SUCLG2: variants seen among roughly 807,000 people sequenced by gnomAD.
The protein encoded by SUCLG2 is succinate-CoA ligase GDP-forming subunit beta.
Under a neutral mutation model 47.9 loss-of-function variants are expected in SUCLG2, and 42 were observed. That is an observed-to-expected ratio of 0.88 (90% confidence interval 0.69 to 1.14). SUCLG2 has a LOEUF of 1.14. SUCLG2 is among the 50% of genes most tolerant of loss of function. The pLI is 0.00. For synonymous variants in SUCLG2, 195 were observed against 197.3 expected (o/e 0.99, Z 0.10); for missense variants, 571 against 525.9 (o/e 1.09, Z -0.84).
intron 2 of SUCLG2, among the ~76,000 whole-genome samples, chr3:67,600,730 T>C (rs1175257372): frequency 1.3e-5 from 2 of 152,240 alleles, no homozygotes; most frequent in African/African-American, 4.8e-5. Context: ...ACACAGTCCA[T>C]GCAAATTTCT....
At chr3:67,484,720 CTG>C (rs1234659846) in intron 9 of SUCLG2, among the ~76,000 whole-genome samples, 1 of 152,104 alleles carries the variant, frequency 6.6e-6, no homozygotes, top group Non-Finnish European at 1.5e-5. Context: ...GCGGTGAGGA[CTG>C]TAAATTGTAA....
At chr3:67,385,101 T>G (rs1702234045) in intron 10 of SUCLG2, among the ~76,000 whole-genome samples, 1 of 152,196 alleles carries the variant, frequency 6.6e-6, no homozygotes, top group South Asian at 2.1e-4. Context: ...AAATATGACT[T>G]TCAAGTGGAA....
chr3:67,475,997 C>G (rs1022110010), intron 9 of SUCLG2, among the ~76,000 whole-genome samples: 1 of 144,628 alleles, frequency 6.9e-6, no homozygotes, highest in Non-Finnish European at 1.5e-5. Context: ...CCCTCTCTCT[C>G]TCTCTCTCTC....
intron 10 of SUCLG2, among the ~76,000 whole-genome samples, chr3:67,364,927 C>A (rs1048340003): frequency 6.6e-6 from 1 of 152,084 alleles, no homozygotes; most frequent in Non-Finnish European, 1.5e-5. Flanking sequence ...ACACTTGAAA[C>A]AGGAACAAAA....
At chr3:67,558,141 C>T (rs987889527) in intron 2 of SUCLG2, among the ~76,000 whole-genome samples, 1 of 152,092 alleles carries the variant, frequency 6.6e-6, no homozygotes, top group African/African-American at 2.4e-5. Context: ...TGTGCAATTA[C>T]ATCATGCTGA....
intron 7 of SUCLG2, among the ~76,000 whole-genome samples, chr3:67,508,596 T>C (rs12639122): frequency 0.016 from 2,403 of 152,246 alleles, 109 homozygotes; most frequent in East Asian, 0.1. Flanking sequence ...AAACAAGCAG[T>C]AGCTTCCTTA....
At chr3:67,448,662 A>G (rs1185492270) in intron 9 of SUCLG2, among the ~76,000 whole-genome samples, 1 of 152,244 alleles carries the variant, frequency 6.6e-6, no homozygotes, top group Non-Finnish European at 1.5e-5. Flanking sequence ...CAAAAAGTAG[A>G]TAACAATTAA....
chr3:67,642,031 C>G (rs370855868), intron 1 of SUCLG2, among the ~76,000 whole-genome samples: 4 of 152,342 alleles, frequency 2.6e-5, no homozygotes, highest in Admixed American at 2.6e-4. Context: ...CCCTCCCTAA[C>G]GACCTCATTT....
intron 2 of SUCLG2, among the ~76,000 whole-genome samples, chr3:67,548,035 A>T (rs189199302): frequency 2.0e-5 from 3 of 152,178 alleles, no homozygotes; most frequent in Non-Finnish European, 4.4e-5. Context: ...TTCATTCACA[A>T]TCATCACTTC....
chr3:67,463,982 T>C (rs370298858), intron 9 of SUCLG2, among the ~76,000 whole-genome samples: 1 of 152,310 alleles, frequency 6.6e-6, no homozygotes, highest in Non-Finnish European at 1.5e-5. Context: ...TTGAGCATCA[T>C]TGTTTAGGAG....
intron 1 of SUCLG2, among the ~76,000 whole-genome samples, chr3:67,613,333 T>C (rs1236556476): frequency 6.6e-6 from 1 of 152,194 alleles, no homozygotes; most frequent in African/African-American, 2.4e-5. Flanking sequence ...TCACTTCAGA[T>C]ATCCCAAGGG....
intron 9 of SUCLG2, among the ~76,000 whole-genome samples, chr3:67,438,438 T>A (rs1345065209): frequency 4.0e-5 from 6 of 150,880 alleles, no homozygotes; most frequent in African/African-American, 1.5e-4. Context: ...CCAAAAAAAA[T>A]CAATGAATCC....
At chr3:67,555,010 C>A (rs1353776407) in intron 2 of SUCLG2, among the ~76,000 whole-genome samples, 1 of 152,104 alleles carries the variant, frequency 6.6e-6, no homozygotes, top group Non-Finnish European at 1.5e-5. Context: ...ACGGTAGTAG[C>A]ATATCTGACA....
intron 3 of SUCLG2, among the ~76,000 whole-genome samples, chr3:67,528,723 G>A (rs1000435763): frequency 6.6e-6 from 1 of 152,174 alleles, no homozygotes; most frequent in Non-Finnish European, 1.5e-5. Context: ...ACTATCAGAG[G>A]GGAGGTACCC....
intron 2 of SUCLG2, among the ~76,000 whole-genome samples, chr3:67,557,900 T>C (rs1342894426): frequency 6.6e-6 from 1 of 152,162 alleles, no homozygotes; most frequent in Non-Finnish European, 1.5e-5. Flanking sequence ...TGCAGAACAC[T>C]AGTTTGCAAA....
At chr3:67,450,153 C>T (rs1258211568) in intron 9 of SUCLG2, among the ~76,000 whole-genome samples, 10 of 152,136 alleles carry the variant, frequency 6.6e-5, no homozygotes, top group East Asian at 5.8e-4. Flanking sequence ...GCAATCCTCT[C>T]GCCTTATCTT....
chr3:67,651,671 C>A (rs1701287691), intron 1 of SUCLG2, among the ~76,000 whole-genome samples: 1 of 152,190 alleles, frequency 6.6e-6, no homozygotes, highest in East Asian at 1.9e-4. Flanking sequence ...TCGTTTTCTT[C>A]ATCTGTACCT....
At position 67,559,456 on chromosome 3, in the gene SUCLG2, A is replaced by G. The variant is rs117232192; in HGVS notation, c.227-30270T>C. Among the ~76,000 whole-genome samples, 655 of 152,162 alleles carry G rather than the reference A, an allele frequency of 4.3e-3. 10 individuals are homozygous for G. In the East Asian group the frequency reaches 0.051, roughly 12 times the overall value. On this transcript the variant is annotated intron_variant, in intron 2 of 10. Coordinates refer to ENST00000307227, the MANE Select transcript of SUCLG2 (RefSeq NM_003848.4). ...GCAGGAGAGAGAGATAGCACAAGGA[A>G]GTGCCACACTTTAAAACCATCAGAT...
At chr3:67,638,400 G>A (rs1030254907) in intron 1 of SUCLG2, among the ~76,000 whole-genome samples, 1 of 152,188 alleles carries the variant, frequency 6.6e-6, no homozygotes, top group Admixed American at 6.5e-5. Context: ...TTTCCAGATT[G>A]TAGCTACACT....
Sources: gnomAD v4.1 joint callset for allele counts (sites outside exome capture counted in the v4.1 genomes callset) on GRCh38, gnomAD v4.1.1 for gene constraint, MANE v1.5 for transcripts, NCBI Gene and HGNC (gene_info 2026-07-23, HGNC 2026-07-21) for gene names.